ASAP1: variants seen among roughly 807,000 people sequenced by gnomAD.
The protein encoded by ASAP1 is arf-GAP with SH3 domain, ANK repeat and PH domain-containing protein 1.
ASAP1 carries 43 observed loss-of-function variants against 145.2 expected under a neutral mutation model. The ratio of observed to expected loss-of-function variants is 0.30; its 90% CI spans 0.23 to 0.38. ASAP1 has a LOEUF of 0.38. ASAP1 is among the 10% of genes least tolerant of loss of function. ASAP1 has a pLI of 1.00. For missense variants in ASAP1, 1,018 were observed against 1,355.3 expected, an observed-to-expected ratio of 0.75 and a Z score of 3.91; for synonymous variants, 546 against 515.5, an observed-to-expected ratio of 1.06 and a Z score of -0.80.
Position 130,297,244 on chromosome 8 carries a change from G to A in ASAP1, c.187-60250C>T, listed in dbSNP as rs532904689. On this transcript the variant is annotated intron_variant, in intron 3 of 29. Coordinates refer to ENST00000518721, the MANE Select transcript of ASAP1 (RefSeq NM_018482.4). ...CCCACTGCCTGTGGGAGATTAGTTC[G>A]TCTCCCCCCATGCATCAAAATCTGT... Among the ~76,000 whole-genome samples, 19 of 152,200 alleles carry A rather than the reference G, an allele frequency of 1.2e-4. No homozygotes were observed. In the East Asian group the frequency reaches 3.5e-3, roughly 28 times the overall value.
At chr8:130,221,225 C>A (rs938750874) in intron 4 of ASAP1, among the ~76,000 whole-genome samples, 1 of 149,206 alleles carries the variant, frequency 6.7e-6, no homozygotes, top group Non-Finnish European at 1.5e-5. Context: ...CAGAGTGAGA[C>A]CTTGAACAAA....
intron 12 of ASAP1, among the ~76,000 whole-genome samples, chr8:130,155,584 T>A (rs750093904): frequency 6.6e-6 from 1 of 152,164 alleles, no homozygotes; most frequent in Non-Finnish European, 1.5e-5. Context: ...TGGGCTCACG[T>A]GATCTGCCGG....
intron 3 of ASAP1, among the ~76,000 whole-genome samples, chr8:130,281,775 A>C (rs568189457): frequency 1.3e-5 from 2 of 152,340 alleles, no homozygotes; most frequent in Non-Finnish European, 2.9e-5. Flanking sequence ...TGCCATTTAA[A>C]AGTAATGGAG....
chr8:130,072,830 C>CACGCGCGCGCACGCGCGG, intron 27 of ASAP1, among the ~76,000 whole-genome samples: 1 of 31,930 alleles, frequency 3.1e-5, no homozygotes, highest in South Asian at 1.1e-3. Flanking sequence ...TGTGTGCGCG[C>CACGCGCGCGCACGCGCGG]GGGGGGGGGC....
chr8:130,113,435 T>C (rs1476676291), intron 23 of ASAP1, among the ~76,000 whole-genome samples: 1 of 152,240 alleles, frequency 6.6e-6, no homozygotes, highest in Non-Finnish European at 1.5e-5. Flanking sequence ...AGGCAGCTGC[T>C]TGGTCCTCTG....
chr8:130,366,301 A>C lies in ASAP1; in HGVS notation c.60-8158T>G, dbSNP rs576090364. ...ACACCATCACTTAACTGACACTCCTAATTTGGGGCAAGAGGACTGTGCCCC... is the reference window on the plus strand; with the variant it reads ...ACACCATCACTTAACTGACACTCCTCATTTGGGGCAAGAGGACTGTGCCCC... On this transcript the variant is annotated intron_variant, in intron 2 of 29. Coordinates refer to ENST00000518721, the MANE Select transcript of ASAP1 (RefSeq NM_018482.4). Among the ~76,000 whole-genome samples, 5 of 152,294 alleles carry C rather than the reference A, an allele frequency of 3.3e-5. No homozygotes were observed. In the East Asian group the frequency reaches 9.6e-4, roughly 29 times the overall value.
intron 3 of ASAP1, among the ~76,000 whole-genome samples, chr8:130,272,772 C>T (rs1820662287): frequency 6.6e-6 from 1 of 152,100 alleles, no homozygotes; most frequent in Admixed American, 6.6e-5. Flanking sequence ...ATCTTATGTT[C>T]TCACTCATAT....
chr8:130,282,280 T>C (rs1443167027), intron 3 of ASAP1, among the ~76,000 whole-genome samples: 1 of 152,188 alleles, frequency 6.6e-6, no homozygotes, highest in Non-Finnish European at 1.5e-5. Flanking sequence ...TCCCTACTTA[T>C]TTTGCCAAAT....
intron 3 of ASAP1, among the ~76,000 whole-genome samples, chr8:130,325,110 C>T (rs1290608306): frequency 4.6e-5 from 7 of 152,080 alleles, no homozygotes; most frequent in East Asian, 1.9e-4. Flanking sequence ...TTCTGGGGGG[C>T]GGAAGAGAAT....
chr8:130,306,740 A>C (rs1357364014), intron 3 of ASAP1, among the ~76,000 whole-genome samples: 3 of 152,228 alleles, frequency 2.0e-5, no homozygotes, highest in African/African-American at 7.2e-5. Flanking sequence ...CCAATGGACC[A>C]CATAAATTCT....
At chr8:130,152,571 A>G in intron 13 of ASAP1, 165 bp downstream of exon 13, 1 of 469,204 alleles carries the variant, frequency 2.1e-6, no homozygotes, top group Non-Finnish European at 3.8e-6. Flanking sequence ...GGTGCAGACT[A>G]CCACAGGACA....
rs775302069 is a variant in ASAP1, at chr8:130,115,634, A to G, written c.2166T>C (p.Asp722=). The change falls in exon 23 of 30, where the codon GAT becomes GAC. Residue 722 remains aspartate (D), a synonymous_variant. Coordinates refer to ENST00000518721, the MANE Select transcript of ASAP1 (RefSeq NM_018482.4). The part of the protein sequence containing the change: ...EEIDESDDDL[D]DKPSPIKKER... ...GGACATAATTTACACTCACTTTGTC[A>G]TCCAGATCATCATCGCTCTCATCTA... 1 of 1,612,516 alleles carries G rather than the reference A, an allele frequency of 6.2e-7. No individual in the cohort carries two copies. The highest frequency in any genetic ancestry group is 1.1e-5 in the South Asian group (1 of 91,016).
chr8:130,103,046 C>T (rs2097531411), intron 24 of ASAP1, among the ~76,000 whole-genome samples: 1 of 152,036 alleles, frequency 6.6e-6, no homozygotes, highest in Non-Finnish European at 1.5e-5. Context: ...CCATCTGGTC[C>T]TGGAGTTTTC....
intron 18 of ASAP1, among the ~76,000 whole-genome samples, chr8:130,119,735 A>G (rs796632300): frequency 3.3e-5 from 5 of 152,276 alleles, no homozygotes; most frequent in African/African-American, 1.2e-4. Flanking sequence ...TTTGGATTAA[A>G]TCTTTTAGTT....
rs532586122 is a variant in ASAP1 at position 130,094,499 on chromosome 8, C to T, written c.2402-2356G>A. On this transcript the variant is annotated intron_variant, in intron 24 of 29. Transcript: ENST00000518721. ...CTAGAATTATAGGCGTGAGTCACCACGCCTAGTCTAAATTTAAAAAAAAAA... is the reference window on the plus strand; with the variant it reads ...CTAGAATTATAGGCGTGAGTCACCATGCCTAGTCTAAATTTAAAAAAAAAA... 2.6e-5 allele frequency among the ~76,000 whole-genome samples: 4 copies of T among 152,030 alleles called. No homozygotes were observed. The South Asian group carries it at 8.3e-4, about 32-fold the overall frequency.
At chr8:130,157,522 T>C (rs2097660380) in intron 12 of ASAP1, among the ~76,000 whole-genome samples, 2 of 152,180 alleles carry the variant, frequency 1.3e-5, no homozygotes, top group Admixed American at 1.3e-4. Flanking sequence ...TCCATGACTC[T>C]GCTTTGCTTG....
intron 7 of ASAP1, among the ~76,000 whole-genome samples, chr8:130,182,330 C>T (rs778758645): frequency 2.0e-5 from 3 of 152,100 alleles, no homozygotes; most frequent in Admixed American, 1.3e-4. Context: ...AAAAGGATGA[C>T]GGAATTCAAT....
At chr8:130,183,872 T>C (rs778705291) in intron 7 of ASAP1, among the ~76,000 whole-genome samples, 6 of 152,080 alleles carry the variant, frequency 3.9e-5, no homozygotes, top group South Asian at 4.1e-4. Flanking sequence ...TCAAACGCCA[T>C]CCCAGGATGG....
intron 15 of ASAP1, among the ~76,000 whole-genome samples, chr8:130,131,000 CA>C (rs1220415545): frequency 6.6e-6 from 1 of 152,028 alleles, no homozygotes; most frequent in Non-Finnish European, 1.5e-5. Flanking sequence ...ACTAAAAACA[CA>C]AAAAAATTAG....
Sources: gnomAD v4.1 joint callset for allele counts (sites outside exome capture counted in the v4.1 genomes callset) on GRCh38, gnomAD v4.1.1 for gene constraint, MANE v1.5 for transcripts, NCBI Gene and HGNC (gene_info 2026-07-23, HGNC 2026-07-21) for gene names.